Variants in EPRS1 observed in about 807,000 individuals in gnomAD.
EPRS1 encodes bifunctional glutamate/proline--tRNA ligase.
A neutral mutation model predicts 188.3 loss-of-function variants in EPRS1; 107 were observed. The observed-to-expected ratio is 0.57, with a 90% confidence interval of 0.49 to 0.67. The LOEUF (loss-of-function observed/expected upper bound fraction) is 0.67, where lower values mean the gene tolerates loss of function less well. EPRS1 is among the 30% of genes least tolerant of loss of function. The pLI is 0.00. For missense variants in EPRS1, 1,577 were observed against 1,802.2 expected (o/e 0.88, Z 2.26); for synonymous variants, 596 against 593.1 (o/e 1.00, Z -0.07).
chr1:220,030,282 T>C, intron 6 of EPRS1, 104 bp downstream of exon 6: 1 of 681,746 alleles, frequency 1.5e-6, no homozygotes, highest in Non-Finnish European at 2.5e-6. Flanking sequence ...AAATCTTATG[T>C]TCTTCTATAT....
intron 6 of EPRS1, among the ~76,000 whole-genome samples, chr1:220,026,600 A>G (rs999445133): frequency 1.1e-4 from 17 of 151,056 alleles, no homozygotes; most frequent in African/African-American, 3.7e-4. Context: ...GCGTGATCTC[A>G]GCTCACTGCA....
chr1:220,046,207 A>T, intron 1 of EPRS1, 136 bp downstream of exon 1: 1 of 1,049,814 alleles, frequency 9.5e-7, no homozygotes, highest in South Asian at 1.5e-5. Context: ...TCCACGTACA[A>T]TTCTGGGGCG....
chr1:220,018,337 T>C, intron 12 of EPRS1, 112 bp downstream of exon 12: 1 of 1,022,916 alleles, frequency 9.8e-7, no homozygotes, highest in Admixed American at 2.0e-5. Context: ...GTCTGCAAAA[T>C]GTTAATATTC....
chr1:219,970,149 T>G (rs1660637554), intron 30 of EPRS1, among the ~76,000 whole-genome samples: 1 of 152,188 alleles, frequency 6.6e-6, no homozygotes, highest in Admixed American at 6.5e-5. Flanking sequence ...CTCCCAGTTG[T>G]GAATGCTAAT....
intron 2 of EPRS1, 27 bp downstream of exon 2, chr1:220,040,158 T>G (rs1360684636): frequency 1.4e-6 from 2 of 1,458,010 alleles, no homozygotes; most frequent in Non-Finnish European, 1.9e-6. Flanking sequence ...CAATCAGTAC[T>G]GAAAATAAAA....
chr1:219,976,401 T>A (rs1049723546), intron 28 of EPRS1, among the ~76,000 whole-genome samples: 1 of 152,210 alleles, frequency 6.6e-6, no homozygotes, highest in Non-Finnish European at 1.5e-5. Context: ...AGACAGCTCC[T>A]GAAAGCTGAA....
Position 220,022,111 on chromosome 1 carries a change from A to T in EPRS1, c.1115+236T>A, listed in dbSNP as rs376823103. 6.6e-5 allele frequency among the ~76,000 whole-genome samples: 10 copies of T among 152,324 alleles called. No individual in the cohort carries two copies. The South Asian group carries it at 1.0e-3, about 16-fold the overall frequency. ...ATACAAAAAAAGCAACTCTAGGCAG[A>T]CTCAGGACTTTCATAGATGGAAGTG... On this transcript the variant is annotated intron_variant, in intron 9 of 31. Transcript: ENST00000366923.
At chr1:220,015,892 C>T (rs1190900732) in intron 12 of EPRS1, among the ~76,000 whole-genome samples, 1 of 151,980 alleles carries the variant, frequency 6.6e-6, no homozygotes, top group Non-Finnish European at 1.5e-5. Context: ...GCTGAAGAGA[C>T]CTAGGAAGAT....
At chr1:220,020,292 C>T in intron 9 of EPRS1, 71 bp from the exon 10 acceptor site, 14 of 935,098 alleles carry the variant, frequency 1.5e-5, no homozygotes, top group Non-Finnish European at 1.8e-5. Context: ...TTATAAACAA[C>T]AATACTAATT....
rs1415138380 is a variant in EPRS1 at position 219,988,584 on chromosome 1, A to G, written c.2775+6T>C. On this transcript the variant is annotated splice_donor_region_variant and intron_variant, in intron 19 of 31. Coordinates refer to ENST00000366923, the MANE Select transcript of EPRS1 (RefSeq NM_004446.3). ...CAAAAGCATATAAACAAAATAACAC[A>G]CTAACCTTAGGGGCTTTTTCAGTTT... 6.3e-7 allele frequency: 1 copy of G among 1,590,508 alleles called. No individual in the cohort carries two copies. The highest frequency in any genetic ancestry group is 1.1e-5 in the South Asian group (1 of 90,500).
At position 219,997,071 on chromosome 1, in the gene EPRS1, G is replaced by A; in HGVS notation, c.2453C>T (p.Ala818Val). 1 of 1,613,920 alleles carries A rather than the reference G, an allele frequency of 6.2e-7. No homozygotes were observed. The highest frequency in any genetic ancestry group is 8.5e-7 in the Non-Finnish European group (1 of 1,179,914). The change falls in exon 18 of 32, where the codon GCA becomes GTA. Residue 818 changes from alanine to valine, a missense_variant. Physicochemically the swap from Ala to Val is moderately conservative, Grantham distance 64. Coordinates refer to ENST00000366923, the MANE Select transcript of EPRS1 (RefSeq NM_004446.3). ...CAGAGATTTACTTTCCAGAATACTT[G>A]CTGAGGAATTAGAAGAAATATTCTG... ...IGQNISSNSS[A>V]SILESKSLYD...
intron 5 of EPRS1, among the ~76,000 whole-genome samples, 192 bp from the exon 6 acceptor site, chr1:220,030,672 T>C (rs1394522748): frequency 1.3e-5 from 2 of 152,162 alleles, no homozygotes; most frequent in Admixed American, 1.3e-4. Flanking sequence ...GTAATACAGA[T>C]ATGTTCAGGG....
In EPRS1 at chr1:219,975,621, G is replaced by A. The variant is rs1035729400; in HGVS notation, c.4084-2223C>T. 3.3e-5 allele frequency among the ~76,000 whole-genome samples: 5 copies of A among 152,210 alleles called. No homozygotes were observed. In the East Asian group the frequency reaches 9.7e-4, roughly 29 times the overall value. On this transcript the variant is annotated intron_variant, in intron 28 of 31. Coordinates refer to ENST00000366923, the MANE Select transcript of EPRS1 (RefSeq NM_004446.3). ...CCATCTAATTTTTCTATTTTTAGCA[G>A]AGACAGGGTTTCACCATGTTGGACA...
At chr1:219,984,397 C>A (rs966729232) in intron 20 of EPRS1, 140 bp from the exon 21 acceptor site, 2 of 669,998 alleles carry the variant, frequency 3.0e-6, no homozygotes, top group Admixed American at 5.4e-5. Context: ...CTTCTATATT[C>A]ATTCCCAAGA....
At position 220,025,309 on chromosome 1, in the gene EPRS1, TACTTAA is replaced by T. The variant is rs772403220; in HGVS notation, c.624-57_624-52del. Reference sequence around the variant, plus strand: ...AACTCATTAACATGTTTTAACTAAATACTTAAACTTAACCTTTTTGAGGAGATGAGA... The same window carrying T: ...AACTCATTAACATGTTTTAACTAAATACTTAACCTTTTTGAGGAGATGAGA... On this transcript the variant is annotated intron_variant, in intron 6 of 31. Coordinates refer to ENST00000366923, the MANE Select transcript of EPRS1 (RefSeq NM_004446.3). 5.0e-5 allele frequency: 71 copies of T among 1,423,020 alleles called. 1 individual carries two copies. The highest frequency in any genetic ancestry group is 4.2e-4 in the East Asian group (18 of 43,004). The allele number at this position is 1,423,020 out of a possible 1,614,324, so 88.1% of individuals were successfully genotyped here. A position where few individuals can be genotyped will look rare whatever the true frequency, so the allele number is the denominator to read the frequency against.
At chr1:220,037,625 GA>G (rs1181941827) in intron 2 of EPRS1, among the ~76,000 whole-genome samples, 4 of 150,896 alleles carry the variant, frequency 2.7e-5, no homozygotes, top group South Asian at 2.1e-4. Flanking sequence ...ATTTTTCAAA[GA>G]AAAAATGTTT....
intron 13 of EPRS1, among the ~76,000 whole-genome samples, chr1:220,010,672 T>C (rs1163484925): frequency 6.6e-6 from 1 of 151,764 alleles, no homozygotes; most frequent in Non-Finnish European, 1.5e-5. Flanking sequence ...TAGCTAGGCG[T>C]AGTGGGGGGC....
At position 219,981,426 on chromosome 1, in the gene EPRS1, C is replaced by T. The variant is rs1061160; in HGVS notation, c.3405G>A (p.Gln1135=). The T allele has an allele frequency of 0.35, 556,398 of 1,602,576 alleles. 97,780 individuals are homozygous for T. The highest frequency in any genetic ancestry group is 0.41 in the East Asian group (18,367 of 44,700). The change falls in exon 24 of 32, where the codon CAG becomes CAA. Residue 1135 remains glutamine, a synonymous_variant. Coordinates refer to ENST00000366923, the MANE Select transcript of EPRS1 (RefSeq NM_004446.3). ...GCTTGATGGGCAGGTCTCTGTGTGA[C>T]TGTACCCATTTTGCATATGCAGGAT... The part of the protein sequence containing the change: ...VMYPAYAKWV[Q]SHRDLPIKLN...
chr1:220,019,299 G>A (rs543696486), intron 10 of EPRS1, among the ~76,000 whole-genome samples: 1 of 152,016 alleles, frequency 6.6e-6, no homozygotes, highest in African/African-American at 2.4e-5. Flanking sequence ...ATGCACTACT[G>A]GAAACAGTAG....
Sources: gnomAD v4.1 joint callset for allele counts (sites outside exome capture counted in the v4.1 genomes callset) on GRCh38, gnomAD v4.1.1 for gene constraint, MANE v1.5 for transcripts, NCBI Gene and HGNC (gene_info 2026-07-23, HGNC 2026-07-21) for gene names.